SLC20A2: variants seen among roughly 807,000 people sequenced by gnomAD.
SLC20A2 encodes the protein solute carrier family 20 member 2.
In SLC20A2, 30 loss-of-function variants were observed where a neutral mutation model predicts 61.0. The observed-to-expected ratio is 0.49, with a 90% confidence interval of 0.37 to 0.67. The LOEUF is 0.67. Ranked by LOEUF, SLC20A2 falls within the 30% of genes least tolerant of loss-of-function variation. The probability of loss-of-function intolerance (pLI) is 0.00; values close to 1 mark genes in which losing one functional copy is unlikely to be tolerated. For synonymous variants in SLC20A2, 351 were observed against 353.3 expected (o/e 0.99, Z 0.07); for missense variants, 626 against 866.4 (o/e 0.72, Z 3.48).
chr8:42,487,817 G>A (rs978207348), intron 1 of SLC20A2, among the ~76,000 whole-genome samples: 28 of 152,190 alleles, frequency 1.8e-4, no homozygotes, highest in African/African-American at 6.8e-4. Context: ...TCACAGTGCT[G>A]TGCAACCACT....
intron 1 of SLC20A2, among the ~76,000 whole-genome samples, chr8:42,506,669 C>T (rs1443213218): frequency 6.6e-6 from 1 of 152,234 alleles, no homozygotes; most frequent in East Asian, 1.9e-4. Context: ...AACTCTGTAG[C>T]TGCGCCAGCC....
intron 1 of SLC20A2, among the ~76,000 whole-genome samples, chr8:42,535,801 C>G (rs1418006071): frequency 6.6e-6 from 1 of 152,236 alleles, no homozygotes; most frequent in Non-Finnish European, 1.5e-5. Flanking sequence ...CCTGTGGCAG[C>G]AGCTCTACCA....
intron 1 of SLC20A2, among the ~76,000 whole-genome samples, chr8:42,489,008 T>C (rs1809291880): frequency 6.7e-6 from 1 of 149,520 alleles, no homozygotes; most frequent in Middle Eastern, 3.5e-3. Flanking sequence ...GGTGCAGTCT[T>C]GGCTCACTGC....
intron 2 of SLC20A2, 111 bp downstream of exon 2, chr8:42,471,991 C>T: frequency 1.1e-6 from 1 of 906,308 alleles, no homozygotes; most frequent in Non-Finnish European, 1.7e-6. Context: ...AACATCCAAC[C>T]AGTTTTTGAA....
intron 10 of SLC20A2, among the ~76,000 whole-genome samples, chr8:42,425,859 G>A (rs1271552331): frequency 3.3e-5 from 5 of 152,080 alleles, no homozygotes; most frequent in African/African-American, 9.6e-5. Context: ...TGGCTAACAC[G>A]GTGAAACCCC....
chr8:42,442,973 G>A (rs1320920069), intron 6 of SLC20A2, among the ~76,000 whole-genome samples: 1 of 152,172 alleles, frequency 6.6e-6, no homozygotes, highest in Non-Finnish European at 1.5e-5. Context: ...TTCAAGGCTT[G>A]AAATTCAAAT....
intron 5 of SLC20A2, among the ~76,000 whole-genome samples, chr8:42,449,193 C>T (rs530402469): frequency 3.0e-4 from 45 of 152,182 alleles, no homozygotes; most frequent in African/African-American, 1.0e-3. Context: ...TTTCCCCCTG[C>T]GGATGGACAT....
At chr8:42,481,746 C>T (rs567184023) in intron 1 of SLC20A2, among the ~76,000 whole-genome samples, 8 of 152,310 alleles carry the variant, frequency 5.3e-5, no homozygotes, top group South Asian at 2.1e-4. Context: ...GTGCAGTCAA[C>T]GGCCTTCGTG....
intron 1 of SLC20A2, among the ~76,000 whole-genome samples, chr8:42,515,143 G>A (rs1811254023): frequency 6.6e-6 from 1 of 152,182 alleles, no homozygotes; most frequent in East Asian, 1.9e-4. Flanking sequence ...GAGATTTACA[G>A]ACGTTAAATT....
At chr8:42,491,463 C>G (rs1809505828) in intron 1 of SLC20A2, among the ~76,000 whole-genome samples, 1 of 150,672 alleles carries the variant, frequency 6.6e-6, no homozygotes, top group African/African-American at 2.4e-5. Flanking sequence ...CAAGATCACG[C>G]CACTGCACTG....
At chr8:42,429,741 C>T (rs1353661561) in intron 9 of SLC20A2, among the ~76,000 whole-genome samples, 1 of 152,164 alleles carries the variant, frequency 6.6e-6, no homozygotes, top group Non-Finnish European at 1.5e-5. Context: ...AGTCTGTGCC[C>T]TCCCTGCCCA....
intron 2 of SLC20A2, among the ~76,000 whole-genome samples, chr8:42,466,426 T>C (rs530952812): frequency 4.7e-4 from 71 of 152,332 alleles, no homozygotes; most frequent in African/African-American, 1.6e-3. Context: ...TGCTACACAC[T>C]GACTGCCCTT....
chr8:42,538,389 A>G (rs1812843333), intron 1 of SLC20A2: 1 of 152,052 alleles, frequency 6.6e-6, no homozygotes. Flanking sequence ...TGAAACACTC[A>G]TGTATCAATA....
intron 1 of SLC20A2, among the ~76,000 whole-genome samples, chr8:42,493,924 T>G (rs2131323667): frequency 6.6e-6 from 1 of 152,234 alleles, no homozygotes. Flanking sequence ...GCAGGACTGC[T>G]TTAGTTCAGG....
chr8:42,422,460 T>C (rs1467069488), intron 10 of SLC20A2, among the ~76,000 whole-genome samples: 1 of 152,220 alleles, frequency 6.6e-6, no homozygotes, highest in East Asian at 1.9e-4. Context: ...GGTTTGGTAT[T>C]AGGGTTATTC....
At position 42,419,963 on chromosome 8, in the gene SLC20A2, G is replaced by A. The variant is rs117778481; in HGVS notation, c.1795-1996C>T. On this transcript the variant is annotated intron_variant, in intron 10 of 10. Transcript: ENST00000520262. ...AGCACTTTGGGAGGCCAAGGCGGGC[G>A]GATACAAGGTCAGGAGATCAAGACC... Among the ~76,000 whole-genome samples the A allele has an allele frequency of 7.9e-4, 121 of 152,202 alleles. No individual in the cohort carries two copies. The East Asian group carries it at 0.019, about 24-fold the overall frequency.
At position 42,438,063 on chromosome 8, in the gene SLC20A2, C is replaced by CAAAAAAAAAA. The variant is rs1391262305; in HGVS notation, c.935-496_935-487dup. On this transcript the variant is annotated intron_variant, in intron 7 of 10. Coordinates refer to ENST00000520262, the MANE Select transcript of SLC20A2 (RefSeq NM_001257180.2). The stretch of plus-strand genomic sequence containing the variant: ...TATGGTTACCACTAAAAAAAAAAAC[C>CAAAAAAAAAA]AAAAAAAAAAAAAAAAAAAAAAAAA... Among the ~76,000 whole-genome samples the CAAAAAAAAAA allele has an allele frequency of 3.5e-3, 94 of 26,830 alleles. 9 individuals carry two copies. Among genetic ancestry groups the CAAAAAAAAAA allele is most frequent in the East Asian group, 9.4e-3 (6 of 638 alleles). The allele number at this position is 26,830 out of a possible 152,430, so 17.6% of individuals were successfully genotyped here. A position where few individuals can be genotyped will look rare whatever the true frequency, so the allele number is the denominator to read the frequency against.
At chr8:42,485,807 A>G (rs1227314677) in intron 1 of SLC20A2, among the ~76,000 whole-genome samples, 1 of 146,864 alleles carries the variant, frequency 6.8e-6, no homozygotes, top group Non-Finnish European at 1.5e-5. Context: ...TTGGCTGGGC[A>G]TGGTGGCGCA....
At chr8:42,475,848 G>A (rs1433612371) in intron 1 of SLC20A2, among the ~76,000 whole-genome samples, 1 of 151,936 alleles carries the variant, frequency 6.6e-6, no homozygotes, top group Non-Finnish European at 1.5e-5. Context: ...GACGGTGGTG[G>A]GTGGGAGGGA....
Sources: gnomAD v4.1 joint callset for allele counts (sites outside exome capture counted in the v4.1 genomes callset) on GRCh38, gnomAD v4.1.1 for gene constraint, MANE v1.5 for transcripts, NCBI Gene and HGNC (gene_info 2026-07-23, HGNC 2026-07-21) for gene names.